AAK1: variants seen among roughly 807,000 people sequenced by gnomAD.
AAK1 encodes the protein AP2 associated kinase 1.
A neutral mutation model predicts 116.0 loss-of-function variants in AAK1; 37 were observed. The observed-to-expected ratio is 0.32, with a 90% CI of 0.25 to 0.42. The LOEUF is 0.42. Among genes scored for constraint, AAK1 ranks in the 10% least tolerant of loss-of-function variants. The pLI, the probability that AAK1 is intolerant of heterozygous loss-of-function variation, is 1.00. For missense variants in AAK1, 919 were observed against 1,170.6 expected (o/e 0.79, Z 3.14); for synonymous variants, 458 against 439.9 (o/e 1.04, Z -0.51).
At chr2:69,579,640 A>G (rs1055077867) in intron 2 of AAK1, among the ~76,000 whole-genome samples, 1 of 152,212 alleles carries the variant, frequency 6.6e-6, no homozygotes, top group Non-Finnish European at 1.5e-5. Context: ...AGAAAAGGAC[A>G]TGACATGCTC....
chr2:69,600,317 T>A (rs1673517149), intron 2 of AAK1, among the ~76,000 whole-genome samples: 4 of 143,780 alleles, frequency 2.8e-5, no homozygotes, highest in African/African-American at 2.6e-5. Context: ...GCACTAACAA[T>A]CAGTTTGTGA....
intron 21 of AAK1, among the ~76,000 whole-genome samples, chr2:69,476,430 T>C (rs1419526248): frequency 6.6e-6 from 1 of 152,188 alleles, no homozygotes; most frequent in African/African-American, 2.4e-5. Context: ...TAGTGTTTTA[T>C]GGCATGTTCA....
rs568410038 is a variant in AAK1 at position 69,468,877 on chromosome 2, A to C, written c.*6992T>G. The C allele has an allele frequency of 1.0e-6, 1 of 985,456 alleles. No homozygotes were observed. The highest frequency in any genetic ancestry group is 1.7e-5 in the African/African-American group (1 of 57,374). The allele number at this position is 985,456 out of a possible 1,614,324, so 61.0% of individuals were successfully genotyped here. On this transcript the variant is annotated 3_prime_UTR_variant, in exon 22 of 22. Transcript: ENST00000409085. The stretch of plus-strand genomic sequence containing the variant: ...AAAGTGGGTTTTTGGTCGAGAACCC[A>C]TTTGGAAAACCTTCCAACTCAGAGC...
chr2:69,635,899 A>T (rs1400045480), intron 2 of AAK1, among the ~76,000 whole-genome samples: 1 of 152,228 alleles, frequency 6.6e-6, no homozygotes, highest in East Asian at 1.9e-4. Flanking sequence ...TTTAACACCT[A>T]GACGTACATT....
chr2:69,618,965 C>T (rs563287303), intron 2 of AAK1, among the ~76,000 whole-genome samples: 1 of 152,288 alleles, frequency 6.6e-6, no homozygotes, highest in South Asian at 2.1e-4. Context: ...TTTCAATCAA[C>T]CAATCAACCC....
At chr2:69,629,499 G>T (rs1573024460) in intron 2 of AAK1, among the ~76,000 whole-genome samples, 1 of 152,204 alleles carries the variant, frequency 6.6e-6, no homozygotes, top group African/African-American at 2.4e-5. Context: ...CTTTCTGAAA[G>T]ATGTTCTACT....
intron 16 of AAK1, among the ~76,000 whole-genome samples, chr2:69,500,970 A>G (rs1210148408): frequency 1.3e-5 from 2 of 151,908 alleles, no homozygotes; most frequent in Non-Finnish European, 1.5e-5. Context: ...AACTCTTCTT[A>G]TTCATTCAAC....
At chr2:69,500,698 T>TATATATGTATATATATACAC in intron 16 of AAK1, among the ~76,000 whole-genome samples, 1 of 65,102 alleles carries the variant, frequency 1.5e-5, no homozygotes, top group African/African-American at 7.9e-5. Context: ...TATATATATA[T>TATATATGTATATATATACAC]ACACACACAC....
chr2:69,558,961 C>T lies in AAK1; in HGVS notation c.164-1983G>A, dbSNP rs548870737. ...AGCTTGAGTAGGTTTTTGTTCCTTG[C>T]AACCATAAAGAGCCTTTATCATAAA... On this transcript the variant is annotated intron_variant, in intron 2 of 21. Transcript: ENST00000409085. Among the ~76,000 whole-genome samples the T allele has an allele frequency of 2.6e-5, 4 of 152,184 alleles. No homozygotes were observed. The East Asian group carries it at 7.7e-4, about 29-fold the overall frequency.
At chr2:69,607,283 G>A (rs760748930) in intron 2 of AAK1, among the ~76,000 whole-genome samples, 1 of 152,002 alleles carries the variant, frequency 6.6e-6, no homozygotes, top group Non-Finnish European at 1.5e-5. Flanking sequence ...GGAAGGACGG[G>A]CAGGAGCACA....
chr2:69,475,001 C>G lies in AAK1; in HGVS notation c.*868G>C, dbSNP rs755331680. The stretch of plus-strand genomic sequence containing the variant: ...CACCCCCGCCCCAGTGAAAAGTCTT[C>G]TAATAAAAGGTATCATATTACCACC... On this transcript the variant is annotated 3_prime_UTR_variant, in exon 22 of 22. Transcript: ENST00000409085. The G allele has an allele frequency of 4.2e-5, 39 of 936,702 alleles. No individual in the cohort carries two copies. The highest frequency in any genetic ancestry group is 8.8e-5 in the Admixed American group (1 of 11,382). 58.0% of individuals were successfully genotyped at this position (936,702 alleles called of 1,614,324 possible).
rs1237695234 is a variant in AAK1, at chr2:69,514,549, C to T, written c.1698G>A (p.Lys566=). The T allele has an allele frequency of 7.7e-6, 12 of 1,554,390 alleles. No individual in the cohort carries two copies. Among genetic ancestry groups the T allele is most frequent in the Non-Finnish European group, 9.6e-6 (11 of 1,148,802 alleles). ...LMTQQAALQQ[K]PTMAAGQQPQ... is the part of the protein sequence containing the mutation. Reference sequence around the variant, plus strand: ...GCTGCTGTCCTGCTGCCATAGTGGGCTTTTGCTGCAAGGCAGCCTGCTGAG... The same window carrying T: ...GCTGCTGTCCTGCTGCCATAGTGGGTTTTTGCTGCAAGGCAGCCTGCTGAG... The change falls in exon 13 of 22, where the codon AAG becomes AAA. Residue 566 remains lysine (K), a synonymous_variant. Transcript: ENST00000409085.
intron 3 of AAK1, among the ~76,000 whole-genome samples, chr2:69,552,523 C>G (rs375467298): frequency 7.9e-4 from 120 of 152,008 alleles, no homozygotes; most frequent in African/African-American, 2.9e-3. Flanking sequence ...ACCAGCCTGG[C>G]CAACATGGTG....
rs757159097 is a variant in AAK1 at position 69,617,819 on chromosome 2, C to G, written c.163+25059G>C. Among the ~76,000 whole-genome samples, 138 of 152,262 alleles carry G rather than the reference C, an allele frequency of 9.1e-4. 2 individuals carry two copies. Among genetic ancestry groups the G allele is most frequent in the Non-Finnish European group, 1.5e-4 (10 of 68,028 alleles). On this transcript the variant is annotated intron_variant, in intron 2 of 21. Coordinates refer to ENST00000409085, the MANE Select transcript of AAK1 (RefSeq NM_014911.5). ...AAGAGGCCACATTTAATGGAGATGC[C>G]TCTACTATTTTGGTTTGTTAACACC...
chr2:69,466,946 A>G lies in AAK1; in HGVS notation c.*8923T>C, dbSNP rs1674506714. The G allele has an allele frequency of 1.0e-6, 1 of 985,326 alleles. No individual in the cohort carries two copies. Among genetic ancestry groups the G allele is most frequent in the Non-Finnish European group, 1.2e-6 (1 of 829,944 alleles). 61.0% of individuals were successfully genotyped at this position (985,326 alleles called of 1,614,324 possible). On this transcript the variant is annotated 3_prime_UTR_variant, in exon 22 of 22. Coordinates refer to ENST00000409085, the MANE Select transcript of AAK1 (RefSeq NM_014911.5). ...CCATGACAGTTTTGGATTATGTAGAAACACTGTCTGGGGATGACTCAATTC... is the reference window on the plus strand; with the variant it reads ...CCATGACAGTTTTGGATTATGTAGAGACACTGTCTGGGGATGACTCAATTC...
In AAK1 at chr2:69,472,821, AGG is replaced by A; in HGVS notation, c.*3046_*3047del. On this transcript the variant is annotated 3_prime_UTR_variant, in exon 22 of 22. Transcript: ENST00000409085. ...TCTTCTGATACCATTTTATTAGAAT[AGG>A]TAGGTGTGTGTCCACGCATGTGTTT... The A allele has an allele frequency of 1.0e-6, 1 of 985,672 alleles. No individual in the cohort carries two copies. The highest frequency in any genetic ancestry group is 1.2e-6 in the Non-Finnish European group (1 of 829,866). The allele number at this position is 985,672 out of a possible 1,614,324, so 61.1% of individuals were successfully genotyped here. A position where few individuals can be genotyped will look rare whatever the true frequency, so the allele number is the denominator to read the frequency against.
At chr2:69,541,358 G>A (rs1291896661) in intron 5 of AAK1, among the ~76,000 whole-genome samples, 1 of 151,242 alleles carries the variant, frequency 6.6e-6, no homozygotes, top group Non-Finnish European at 1.5e-5. Flanking sequence ...CGCCTCCTGA[G>A]TACCTGGGAC....
intron 14 of AAK1, among the ~76,000 whole-genome samples, chr2:69,508,021 A>G (rs139483571): frequency 1.1e-4 from 17 of 152,266 alleles, no homozygotes; most frequent in Middle Eastern, 3.4e-3. Flanking sequence ...GTGTTTTCCT[A>G]AAAGGGCTTT....
intron 2 of AAK1, among the ~76,000 whole-genome samples, chr2:69,615,360 T>C (rs917949982): frequency 6.6e-6 from 1 of 152,148 alleles, no homozygotes; most frequent in Admixed American, 6.5e-5. Context: ...GCAGGGTATG[T>C]TATTTTGCTT....
Sources: gnomAD v4.1 joint callset for allele counts (sites outside exome capture counted in the v4.1 genomes callset) on GRCh38, gnomAD v4.1.1 for gene constraint, MANE v1.5 for transcripts, NCBI Gene and HGNC (gene_info 2026-07-23, HGNC 2026-07-21) for gene names.